PLBD2: variants seen among roughly 807,000 people sequenced by gnomAD.
PLBD2 encodes the protein putative aminopeptidase PLBD2.
Under a neutral mutation model 68.3 loss-of-function variants are expected in PLBD2, and 51 were observed. The observed-to-expected ratio is 0.75, with a 90% CI of 0.60 to 0.94. The LOEUF (loss-of-function observed/expected upper bound fraction) is 0.94. PLBD2 is among the 40% of genes least tolerant of loss of function. The pLI is 0.00. For synonymous variants in PLBD2, 314 were observed against 339.3 expected (o/e 0.93, Z 0.82); for missense variants, 729 against 792.2 (o/e 0.92, Z 0.96).
chr12:113,374,266 T>C (rs1301126259), intron 3 of PLBD2, among the ~76,000 whole-genome samples: 1 of 151,906 alleles, frequency 6.6e-6, no homozygotes, highest in East Asian at 1.9e-4. Flanking sequence ...GGCAGAGACA[T>C]AGAGTTAATT....
intron 5 of PLBD2, among the ~76,000 whole-genome samples, chr12:113,377,273 G>A (rs1703034613): frequency 6.6e-6 from 1 of 152,150 alleles, no homozygotes; most frequent in African/African-American, 2.4e-5. Flanking sequence ...CACTGTAAGT[G>A]TACAACTTGA....
At chr12:113,387,634 A>C (rs530440988) in intron 10 of PLBD2, 110 bp from the exon 11 acceptor site, 2 of 1,244,802 alleles carry the variant, frequency 1.6e-6, no homozygotes, top group African/African-American at 3.0e-5. Flanking sequence ...GGAGGGGCTC[A>C]TCAAGTTGAA....
Position 113,384,517 on chromosome 12 carries a change from G to A in PLBD2, c.1118+252G>A, listed in dbSNP as rs1593291120. 6.6e-6 allele frequency among the ~76,000 whole-genome samples: 1 copy of A among 152,214 alleles called. No homozygotes were observed. The highest frequency in any genetic ancestry group is 2.1e-4 in the South Asian group (1 of 4,834). ...CACTTGGAACCTGAAGACTCTCAAG[G>A]GGACAGTGGGGAGGGCTGTTTGAGG... On this transcript the variant is annotated intron_variant, in intron 7 of 11. Transcript: ENST00000280800. This position sits in a 1 kb window ranked among gnomAD's most constrained non-coding sequence, Gnocchi z 4.2.
At chr12:113,361,304 G>A (rs187022637) in intron 1 of PLBD2, among the ~76,000 whole-genome samples, 9 of 145,264 alleles carry the variant, frequency 6.2e-5, no homozygotes, top group South Asian at 2.3e-4. Context: ...ATAATCCTTC[G>A]TCTTTTTTAT....
chr12:113,374,230 G>A (rs1454849856), intron 3 of PLBD2, among the ~76,000 whole-genome samples: 2 of 152,186 alleles, frequency 1.3e-5, no homozygotes, highest in African/African-American at 4.8e-5. Flanking sequence ...AGGCTCTTAA[G>A]TGGGGCTGAT....
intron 6 of PLBD2, among the ~76,000 whole-genome samples, chr12:113,382,406 G>A (rs1163899856): frequency 6.6e-6 from 1 of 152,100 alleles, no homozygotes; most frequent in Non-Finnish European, 1.5e-5. Flanking sequence ...TACCACTGTG[G>A]TGTGTCACGT....
Position 113,372,777 on chromosome 12 carries a change from G to T in PLBD2, c.513G>T (p.Glu171Asp). Residue 171 changes from glutamate to aspartate, a missense_variant, in exon 3 of 12, where the codon GAG becomes GAT. Transcript: ENST00000280800. The surrounding 1 kb of genome is among the most constrained non-coding windows in gnomAD (Gnocchi z 4.2). Reference protein sequence around the residue: ...ANLEWMQEEMESNPDSPYWHQ... With the variant: ...ANLEWMQEEMDSNPDSPYWHQ... ...TAGAGTGGATGCAGGAAGAGATGGA[G>T]TCAAACCCAGACTCACCTTACTGGC... The T allele has an allele frequency of 6.2e-7, 1 of 1,613,846 alleles. No homozygotes were observed.
At chr12:113,358,996 G>T in intron 1 of PLBD2, 106 bp downstream of exon 1, 1 of 1,241,690 alleles carries the variant, frequency 8.1e-7, no homozygotes, top group Non-Finnish European at 1.1e-6. Context: ...GGGAACGCCC[G>T]TTTCTCTGGG....
intron 1 of PLBD2, among the ~76,000 whole-genome samples, chr12:113,364,073 T>G (rs1329331787): frequency 6.6e-6 from 1 of 152,220 alleles, no homozygotes; most frequent in African/African-American, 2.4e-5. Flanking sequence ...TGATGGGTGT[T>G]TCGGGAAGGC....
In PLBD2 at chr12:113,384,388, G is replaced by T; in HGVS notation, c.1118+123G>T. 3 of 1,249,684 alleles carry T rather than the reference G, an allele frequency of 2.4e-6. No individual in the cohort carries two copies. The highest frequency in any genetic ancestry group is 3.3e-6 in the Non-Finnish European group (3 of 915,928). The allele number at this position is 1,249,684 out of a possible 1,614,324, so 77.4% of individuals were successfully genotyped here. On this transcript the variant is annotated intron_variant, in intron 7 of 11. Transcript: ENST00000280800. This position sits in a 1 kb window ranked among gnomAD's most constrained non-coding sequence, Gnocchi z 4.2. The stretch of plus-strand genomic sequence containing the variant: ...GGCCACACACCCCACGCCCTCCTTT[G>T]TTTCATACATGGGGAGACTGAGGCT...
At position 113,383,978 on chromosome 12, in the gene PLBD2, A is replaced by G. The variant is rs533286280; in HGVS notation, c.958-127A>G. 30 of 812,330 alleles carry G rather than the reference A, an allele frequency of 3.7e-5. No homozygotes were observed. In the East Asian group the frequency reaches 8.6e-4, roughly 23 times the overall value. 50.3% of individuals were successfully genotyped at this position (812,330 alleles called of 1,614,324 possible). On this transcript the variant is annotated intron_variant, in intron 6 of 11. Transcript: ENST00000280800. ...TACACCACTGCACTCCAGCCTGGGC[A>G]AGAGTGAGACTCTATCTCAAAAAAA...
At chr12:113,360,370 A>G (rs528243446) in intron 1 of PLBD2, among the ~76,000 whole-genome samples, 82 of 152,308 alleles carry the variant, frequency 5.4e-4, no homozygotes, top group Non-Finnish European at 8.8e-4. Flanking sequence ...ACATGACAGA[A>G]CTGTTCAGGC....
chr12:113,384,245 C>T lies in PLBD2; in HGVS notation c.1098C>T (p.Phe366=), dbSNP rs1957526137. 1 of 1,612,910 alleles carries T rather than the reference C, an allele frequency of 6.2e-7. No homozygotes were observed. ...ATGGGGCCACCTGGGCAGACATCTTCAAGAGGTTCAACAGCGGCACGTGAG... is the reference window on the plus strand; with the variant it reads ...ATGGGGCCACCTGGGCAGACATCTTTAAGAGGTTCAACAGCGGCACGTGAG... ...ASDGATWADI[F]KRFNSGTYNN... Residue 366 remains phenylalanine, a synonymous_variant, in exon 7 of 12, where the codon TTC becomes TTT. Transcript: ENST00000280800. This position sits in a 1 kb window ranked among gnomAD's most constrained non-coding sequence, Gnocchi z 4.2.
In PLBD2 at chr12:113,390,302, C is replaced by T. The variant is rs916614652; in HGVS notation, c.*1676C>T. On this transcript the variant is annotated 3_prime_UTR_variant, in exon 12 of 12. Coordinates refer to ENST00000280800, the MANE Select transcript of PLBD2 (RefSeq NM_173542.4). ...TCTACCCACTCACCTATCCACCCAT[C>T]CACCTACCTATTTGTCACCCATCCA... 1 of 151,888 alleles carries T rather than the reference C, an allele frequency of 6.6e-6. No individual in the cohort carries two copies. The highest frequency in any genetic ancestry group is 2.4e-5 in the African/African-American group (1 of 41,436). The allele number at this position is 151,888 out of a possible 1,614,324, so 9.4% of individuals were successfully genotyped here.
At chr12:113,370,804 T>C (rs2136907089) in intron 2 of PLBD2, among the ~76,000 whole-genome samples, 1 of 152,364 alleles carries the variant, frequency 6.6e-6, no homozygotes, top group South Asian at 2.1e-4. Context: ...CAGGCATTGA[T>C]GACCACTTTA....
intron 5 of PLBD2, among the ~76,000 whole-genome samples, chr12:113,380,127 TTTTA>T (rs750830957): frequency 6.0e-5 from 9 of 149,984 alleles, no homozygotes; most frequent in African/African-American, 2.0e-4. Flanking sequence ...GTGTTATTTC[TTTTA>T]TTTATTTATT....
Position 113,374,469 on chromosome 12 carries a change from C to T in PLBD2, c.544-5C>T, listed in dbSNP as rs1246068724. The T allele has an allele frequency of 6.3e-7, 1 of 1,586,616 alleles. No homozygotes were observed. Among genetic ancestry groups the T allele is most frequent in the South Asian group, 1.1e-5 (1 of 87,318 alleles). On this transcript the variant is annotated splice_region_variant and splice_polypyrimidine_tract_variant and intron_variant, in intron 3 of 11. Coordinates refer to ENST00000280800, the MANE Select transcript of PLBD2 (RefSeq NM_173542.4). ...CCCTCCCTCTGCCCCCGCCCCCTCC[C>T]CTAGGTGCGGCTGACCCTCCTGCAG...
rs765222646 is a variant in PLBD2, at chr12:113,384,217, C to T, written c.1070C>T (p.Ser357Leu). ...AACATCGTGGCCAACCGCCTGGCCT[C>T]GGATGGGGCCACCTGGGCAGACATC... ...VRNIVANRLASDGATWADIFK... is the reference protein window; with the variant it reads ...VRNIVANRLALDGATWADIFK... The change falls in exon 7 of 12, where the codon TCG becomes TTG. Residue 357 changes from serine to leucine, a missense_variant. Physicochemically the swap from Ser to Leu is moderately radical, Grantham distance 145. Transcript: ENST00000280800. The surrounding 1 kb of genome is among the most constrained non-coding windows in gnomAD (Gnocchi z 4.2). The T allele has an allele frequency of 2.2e-5, 35 of 1,613,756 alleles. No individual in the cohort carries two copies. The highest frequency in any genetic ancestry group is 1.2e-4 in the South Asian group (11 of 91,052).
chr12:113,384,177 C>G lies in PLBD2; in HGVS notation c.1030C>G (p.Leu344Val). 1 of 1,614,004 alleles carries G rather than the reference C, an allele frequency of 6.2e-7. No homozygotes were observed. Among genetic ancestry groups the G allele is most frequent in the Non-Finnish European group, 8.5e-7 (1 of 1,180,002 alleles). Residue 344 changes from leucine to valine, a missense_variant, in exon 7 of 12, where the codon CTG (leucine) becomes GTG (valine). Leu to Val is a conservative substitution (Grantham distance 32). Transcript: ENST00000280800. The surrounding 1 kb of genome is among the most constrained non-coding windows in gnomAD (Gnocchi z 4.2). ...WKYVRPRGCV[L>V]EWVRNIVANR... ...GTATGTGCGGCCCAGGGGCTGTGTG[C>G]TGGAGTGGGTACGCAACATCGTGGC...
Sources: gnomAD v4.1 joint callset for allele counts (sites outside exome capture counted in the v4.1 genomes callset) on GRCh38, gnomAD v4.1.1 for gene constraint, Gnocchi (gnomAD v3.1) non-coding constraint, MANE v1.5 for transcripts, NCBI Gene and HGNC (gene_info 2026-07-23, HGNC 2026-07-21) for gene names.